Variants in ZNF808 observed in about 807,000 individuals in gnomAD.
ZNF808 encodes the protein zinc finger protein 808.
In ZNF808, 5 loss-of-function variants were observed where a neutral mutation model predicts 8.7. The observed-to-expected ratio is 0.58, with a 90% CI of 0.30 to 1.21. ZNF808 has a LOEUF of 1.21. ZNF808 is among the 50% of genes most tolerant of loss of function. The probability of loss-of-function intolerance (pLI) is 0.07; values close to 1 mark genes in which losing one functional copy is unlikely to be tolerated. For missense variants in ZNF808, 1,103 were observed against 1,098.4 expected, an observed-to-expected ratio of 1.00 and a Z score of -0.06; for synonymous variants, 380 against 366.0, an observed-to-expected ratio of 1.04 and a Z score of -0.44.
At chr19:52,542,114 A>G (rs1187815973) in intron 2 of ZNF808, among the ~76,000 whole-genome samples, 1 of 150,480 alleles carries the variant, frequency 6.6e-6, no homozygotes, top group African/African-American at 2.5e-5. Flanking sequence ...TTTTTTTGAG[A>G]CGAATTTTCA....
rs374286240 is a variant in ZNF808, at chr19:52,547,471, A to G, written c.64-41A>G. On this transcript the variant is annotated intron_variant, in intron 3 of 4. Transcript: ENST00000359798. ...CATTTCCTGTGAAGGTGATAACTCA[A>G]TCCTCCATAATGTTTTGTTGAAATG... 77 of 1,612,722 alleles carry G rather than the reference A, an allele frequency of 4.8e-5. 1 individual carries two copies. The South Asian group carries it at 5.4e-4, about 11-fold the overall frequency.
At chr19:52,549,729 A>G (rs1203766680) in intron 4 of ZNF808, among the ~76,000 whole-genome samples, 1 of 152,066 alleles carries the variant, frequency 6.6e-6, no homozygotes, top group Admixed American at 6.6e-5. Context: ...GCCTTGACTC[A>G]CATGATACAT....
At chr19:52,551,267 A>C (rs370247216) in intron 4 of ZNF808, among the ~76,000 whole-genome samples, 20 of 151,774 alleles carry the variant, frequency 1.3e-4, no homozygotes, top group Non-Finnish European at 2.2e-4. Context: ...CAGGAGAGTC[A>C]CTTGAACCTG....
chr19:52,546,148 T>C (rs2059717618), intron 3 of ZNF808, among the ~76,000 whole-genome samples: 1 of 152,178 alleles, frequency 6.6e-6, no homozygotes, highest in Non-Finnish European at 1.5e-5. Context: ...ATGGGAAGCA[T>C]TCAAAAATGT....
chr19:52,543,393 G>A, intron 3 of ZNF808, 46 bp downstream of exon 3: 1 of 1,599,974 alleles, frequency 6.3e-7, no homozygotes, highest in East Asian at 2.2e-5. Flanking sequence ...TTTCCTTTCT[G>A]AAATGTAGTA....
At chr19:52,535,067 C>T (rs1186447095) in intron 2 of ZNF808, among the ~76,000 whole-genome samples, 4 of 149,986 alleles carry the variant, frequency 2.7e-5, no homozygotes, top group Admixed American at 2.7e-4. Flanking sequence ...CGGGGTGGAT[C>T]ACATCTGTAA....
At chr19:52,544,425 G>T in intron 3 of ZNF808, among the ~76,000 whole-genome samples, 1 of 152,120 alleles carries the variant, frequency 6.6e-6, no homozygotes, top group East Asian at 1.9e-4. Flanking sequence ...CCCCCTCCCA[G>T]TTTCAAGCAA....
chr19:52,564,285 C>A, exon 4 of ZNF808: 1 of 695,266 alleles, frequency 1.4e-6, no homozygotes, highest in Non-Finnish European at 2.5e-6. Context: ...ATCATAATCA[C>A]GTTACTTAAG....
exon 4 of ZNF808, chr19:52,564,021 C>T (rs2059866227): frequency 2.0e-6 from 1 of 505,634 alleles, no homozygotes; most frequent in Middle Eastern, 3.3e-4. Context: ...AAAGGTCTAG[C>T]CCCCTCTCCT....
chr19:52,529,125 C>T (rs2059538235), intron 1 of ZNF808, among the ~76,000 whole-genome samples: 1 of 151,896 alleles, frequency 6.6e-6, no homozygotes, highest in African/African-American at 2.4e-5. Flanking sequence ...CCTGTAGTCT[C>T]CACACTTTAG....
chr19:52,566,412 T>G (rs1372794733), downstream of ZNF808, among the ~76,000 whole-genome samples: 1 of 152,066 alleles, frequency 6.6e-6, no homozygotes, highest in Non-Finnish European at 1.5e-5. Flanking sequence ...GTGATCCACC[T>G]GCCTCAGCCT....
downstream of ZNF808, among the ~76,000 whole-genome samples, chr19:52,559,780 G>A (rs2059850478): frequency 1.3e-5 from 2 of 151,996 alleles, no homozygotes; most frequent in African/African-American, 4.8e-5. Context: ...AGGATGGAGT[G>A]CAGTGGTGAG....
intron 2 of ZNF808, among the ~76,000 whole-genome samples, chr19:52,533,540 T>C (rs893522197): frequency 1.3e-5 from 2 of 151,518 alleles, no homozygotes; most frequent in African/African-American, 4.8e-5. Flanking sequence ...GATGTATTTC[T>C]GAAGAACTTG....
chr19:52,550,604 C>T (rs1466216292), intron 4 of ZNF808, among the ~76,000 whole-genome samples: 1 of 151,806 alleles, frequency 6.6e-6, no homozygotes, highest in African/African-American at 2.4e-5. Context: ...TGGCTCACTG[C>T]AACCTCGACT....
intron 4 of ZNF808, among the ~76,000 whole-genome samples, chr19:52,551,550 C>T (rs1172132210): frequency 1.3e-5 from 2 of 152,010 alleles, no homozygotes; most frequent in African/African-American, 4.8e-5. Context: ...CTTTTTTCTT[C>T]AGAGGAAGTT....
At chr19:52,542,087 A>G (rs1365772895) in intron 2 of ZNF808, among the ~76,000 whole-genome samples, 1 of 151,188 alleles carries the variant, frequency 6.6e-6, no homozygotes. Context: ...GAGAAGATAC[A>G]TCACTTCCAA....
chr19:52,553,056 G>A, intron 4 of ZNF808, 51 bp from the exon 5 acceptor site: 1 of 1,501,150 alleles, frequency 6.7e-7, no homozygotes, highest in Non-Finnish European at 8.9e-7. Context: ...ACTTCAGTAT[G>A]ATTTACCATC....
intron 2 of ZNF808, among the ~76,000 whole-genome samples, chr19:52,538,340 A>T (rs919750069): frequency 7.2e-5 from 11 of 151,896 alleles, no homozygotes; most frequent in South Asian, 2.1e-4. Flanking sequence ...AATTATTATT[A>T]TTATTATTAT....
chr19:52,529,479 A>G (rs1250889415), intron 1 of ZNF808, among the ~76,000 whole-genome samples: 2 of 152,222 alleles, frequency 1.3e-5, no homozygotes, highest in African/African-American at 4.8e-5. Context: ...ATATAATCTA[A>G]TAACTAAAAA....
Sources: gnomAD v4.1 joint callset for allele counts (sites outside exome capture counted in the v4.1 genomes callset) on GRCh38, gnomAD v4.1.1 for gene constraint, MANE v1.5 for transcripts, NCBI Gene and HGNC (gene_info 2026-07-23, HGNC 2026-07-21) for gene names.